FLII: variants seen among roughly 807,000 people sequenced by gnomAD.
FLII encodes protein flightless-1 homolog.
A neutral mutation model predicts 156.2 loss-of-function variants in FLII; 101 were observed. The ratio of observed to expected loss-of-function variants is 0.65; its 90% CI spans 0.55 to 0.76. The LOEUF is 0.76. FLII is among the 30% of genes least tolerant of loss of function. The pLI is 0.00. For synonymous variants in FLII, 767 were observed against 685.8 expected (o/e 1.12, Z -1.85); for missense variants, 1,675 against 1,682.8 (o/e 1.00, Z 0.08).
intron 3 of FLII, among the ~76,000 whole-genome samples, chr17:18,256,108 A>G (rs927471817): frequency 1.3e-5 from 2 of 152,188 alleles, no homozygotes; most frequent in Non-Finnish European, 2.9e-5. Context: ...ACTCAACACC[A>G]GCTCTACCAC....
chr17:18,247,677 G>C lies in FLII; in HGVS notation c.2467C>G (p.Leu823Val). The change falls in exon 20 of 30, where the codon CTC (leucine) becomes GTC (valine). Residue 823 changes from leucine (L) to valine (V), a missense_variant. Transcript: ENST00000327031. ...RPRHATVSRS[L>V]EGTEAQVFKA... ...CGCACCTGCGCCTCGGTGCCCTCGA[G>C]GCTGCGGCTGACCGTGGCATGGCGT... The C allele has an allele frequency of 4.4e-6, 7 of 1,596,496 alleles. No homozygotes were observed. Among genetic ancestry groups the C allele is most frequent in the Non-Finnish European group, 6.0e-6 (7 of 1,176,394 alleles).
chr17:18,248,737 A>G lies in FLII; in HGVS notation c.2019-16T>C. ...TGCAAAGAGCCTGAGAGCAGGATGC[A>G]AAGTCATCAGCGAGGCTCACACCCC... On this transcript the variant is annotated splice_polypyrimidine_tract_variant and intron_variant, in intron 17 of 29. Coordinates refer to ENST00000327031, the MANE Select transcript of FLII (RefSeq NM_002018.4). The G allele has an allele frequency of 2.5e-6, 4 of 1,613,956 alleles. No individual in the cohort carries two copies. The highest frequency in any genetic ancestry group is 3.4e-6 in the Non-Finnish European group (4 of 1,179,850).
intron 21 of FLII, 30 bp downstream of exon 21, chr17:18,247,139 C>A (rs746651972): frequency 3.1e-5 from 41 of 1,305,614 alleles, no homozygotes; most frequent in East Asian, 2.4e-4. Flanking sequence ...CACCCCCCCC[C>A]CCGCGCCCCG....
At chr17:18,257,313 T>G (rs570427419) in intron 1 of FLII, 1 of 391,958 alleles carries the variant, frequency 2.6e-6, no homozygotes, top group Non-Finnish European at 4.6e-6. Flanking sequence ...TCCGGCTCTG[T>G]GGTTAGCTCG....
chr17:18,252,413 C>A, intron 10 of FLII, 59 bp downstream of exon 10: 1 of 1,536,956 alleles, frequency 6.5e-7, no homozygotes. Flanking sequence ...GTCCCCCTTG[C>A]TCCAGGGCAC....
Position 18,248,832 on chromosome 17 carries a change from G to C in FLII, c.1986C>G (p.Ala662=). The change falls in exon 17 of 30, where the codon GCC becomes GCG. Residue 662 remains alanine, a synonymous_variant. Transcript: ENST00000327031. Reference sequence around the variant, plus strand: ...TGGTGGTGCTGCTCAGTGTGGCCTGGGCCCCCCGCCATACGTAGATGTCTA... The same window carrying C: ...TGGTGGTGCTGCTCAGTGTGGCCTGCGCCCCCCGCCATACGTAGATGTCTA... The part of the protein sequence containing the change: ...RGLDIYVWRG[A]QATLSSTTKA... 1 of 1,613,760 alleles carries C rather than the reference G, an allele frequency of 6.2e-7. No homozygotes were observed. Among genetic ancestry groups the C allele is most frequent in the African/African-American group, 1.3e-5 (1 of 75,042 alleles).
intron 14 of FLII, among the ~76,000 whole-genome samples, chr17:18,250,247 A>G (rs1293030413): frequency 1.3e-4 from 20 of 152,200 alleles, no homozygotes; most frequent in Non-Finnish European, 2.6e-4. Flanking sequence ...CACGCATATC[A>G]GGGTACACAA....
Position 18,250,996 on chromosome 17 carries a change from A to G in FLII, c.1618T>C (p.Ser540Pro), listed in dbSNP as rs979440146. 6.2e-7 allele frequency: 1 copy of G among 1,613,464 alleles called. No individual in the cohort carries two copies. Among genetic ancestry groups the G allele is most frequent in the African/African-American group, 1.3e-5 (1 of 74,904 alleles). ...VLKTFLDDSG[S>P]LNWEIYYWIG... Reference sequence around the variant, plus strand: ...CAGTAGTAGATCTCCCAGTTGAGGGAGCCGCTGTCATCCAGAAAGGTCTGG... The same window carrying G: ...CAGTAGTAGATCTCCCAGTTGAGGGGGCCGCTGTCATCCAGAAAGGTCTGG... The change falls in exon 14 of 30, where the codon TCC (serine) becomes CCC (proline). Residue 540 changes from serine to proline, a missense_variant. Ser to Pro is a moderately conservative substitution (Grantham distance 74). Transcript: ENST00000327031.
chr17:18,249,100 C>A, intron 16 of FLII, 27 bp downstream of exon 16: 1 of 1,596,760 alleles, frequency 6.3e-7, no homozygotes, highest in Non-Finnish European at 8.6e-7. Context: ...GGATGAAGCA[C>A]CCCCACCTCA....
Position 18,251,670 on chromosome 17 carries a change from C to T in FLII, c.1383+10G>A, listed in dbSNP as rs760358416. The T allele has an allele frequency of 6.2e-7, 1 of 1,613,908 alleles. No homozygotes were observed. The highest frequency in any genetic ancestry group is 8.5e-7 in the Non-Finnish European group (1 of 1,180,006). Reference sequence around the variant, plus strand: ...GCTCCCTGCCTTGTCCCAACCCTGGCCTGGCTCACCTCCTGCTTTTTGTTC... The same window carrying T: ...GCTCCCTGCCTTGTCCCAACCCTGGTCTGGCTCACCTCCTGCTTTTTGTTC... On this transcript the variant is annotated intron_variant, in intron 12 of 29. Coordinates refer to ENST00000327031, the MANE Select transcript of FLII (RefSeq NM_002018.4).
At chr17:18,245,879 C>T (rs1019556147) in intron 26 of FLII, 29 bp from the exon 27 acceptor site, 2 of 1,613,836 alleles carry the variant, frequency 1.2e-6, no homozygotes, top group East Asian at 2.2e-5. Context: ...CAGCCCAGGG[C>T]CCCTGCCTGC....
At chr17:18,249,006 C>A (rs1474930732) in intron 16 of FLII, 121 bp downstream of exon 16, 5 of 1,373,834 alleles carry the variant, frequency 3.6e-6, no homozygotes, top group Non-Finnish European at 5.2e-6. Context: ...AGGGACCCCC[C>A]GCCAAGCTCG....
Position 18,245,950 on chromosome 17 carries a change from G to A in FLII, c.3380C>T (p.Thr1127Ile). 2 of 1,614,062 alleles carry A rather than the reference G, an allele frequency of 1.2e-6. No individual in the cohort carries two copies. The highest frequency in any genetic ancestry group is 1.1e-5 in the South Asian group (1 of 91,082). Reference sequence around the variant, plus strand: ...CCTCCTGACCTGCTTGCTGTAGGAGGTGTCAAACATGGTGTTCAGGATGTC... The same window carrying A: ...CCTCCTGACCTGCTTGCTGTAGGAGATGTCAAACATGGTGTTCAGGATGTC... ...AEDILNTMFD[T>I]SYSKQVINEG... Residue 1127 changes from threonine (T) to isoleucine (I), a missense_variant, in exon 26 of 30, where the codon ACC (threonine) becomes ATC (isoleucine). By Grantham distance (89) the Thr-to-Ile change is moderately conservative (BLOSUM62 -1). Transcript: ENST00000327031.
At chr17:18,253,243 C>T (rs138274637) in intron 9 of FLII, 58 bp downstream of exon 9, 191 of 1,591,180 alleles carry the variant, frequency 1.2e-4, no homozygotes, top group East Asian at 5.2e-4. Context: ...GCTCTGACTA[C>T]GATCCCGGGG....
rs1329478018 is a variant in FLII, at chr17:18,258,226, GCT to G, written c.63+400_63+401del. On this transcript the variant is annotated intron_variant, in intron 1 of 29. Coordinates refer to ENST00000327031, the MANE Select transcript of FLII (RefSeq NM_002018.4). This position sits in a 1 kb window ranked among gnomAD's most constrained non-coding sequence, Gnocchi z 4.2. ...GCGGGGAGAGGGCAGTGATGAGTCG[GCT>G]CCACACCCGCCCCTGGGCAGCCGGG... 2.0e-5 allele frequency among the ~76,000 whole-genome samples: 3 copies of G among 152,210 alleles called. No homozygotes were observed. The highest frequency in any genetic ancestry group is 4.4e-5 in the Non-Finnish European group (3 of 68,014).
At position 18,247,982 on chromosome 17, in the gene FLII, A is replaced by G; in HGVS notation, c.2242T>C (p.Ser748Pro). 1 of 1,614,076 alleles carries G rather than the reference A, an allele frequency of 6.2e-7. No homozygotes were observed. The highest frequency in any genetic ancestry group is 8.5e-7 in the Non-Finnish European group (1 of 1,179,986). Residue 748 changes from serine to proline, a missense_variant, in exon 19 of 30, where the codon TCC becomes CCC. By Grantham distance (74) the Ser-to-Pro change is moderately conservative (BLOSUM62 -1). This residue lies in a region of FLII where 1,332 missense variants were observed against 1,269.3 expected (regional missense o/e 1.05). Transcript: ENST00000327031. The stretch of plus-strand genomic sequence containing the variant: ...TTGGGACGCTGCTTATGTTCCACGG[A>G]GAGCTTGTAGTTGATCTGTGGCAGC... ...LELPQINYKL[S>P]VEHKQRPKVE...
intron 19 of FLII, 39 bp downstream of exon 19, chr17:18,247,890 G>A (rs1567708491): frequency 1.2e-6 from 2 of 1,613,404 alleles, no homozygotes; most frequent in Middle Eastern, 1.7e-4. Context: ...AGCCAACGGG[G>A]AGGGATCTGG....
chr17:18,258,747 T>TG (rs1158274124), upstream of FLII: 4 of 1,239,828 alleles, frequency 3.2e-6, no homozygotes, highest in Admixed American at 4.3e-5. This position sits in a 1 kb window ranked among gnomAD's most constrained non-coding sequence, Gnocchi z 4.2. Context: ...GCGAGGGCGC[T>TG]GGGGGGAGCC....
chr17:18,245,603 T>C lies in FLII; in HGVS notation c.3561A>G (p.Gln1187=), dbSNP rs1229342400. The C allele has an allele frequency of 1.2e-6, 2 of 1,613,980 alleles. No homozygotes were observed. Among genetic ancestry groups the C allele is most frequent in the African/African-American group, 1.3e-5 (1 of 75,034 alleles). The change falls in exon 28 of 30, where the codon CAA becomes CAG. Residue 1187 remains glutamine (Q), a synonymous_variant. Coordinates refer to ENST00000327031, the MANE Select transcript of FLII (RefSeq NM_002018.4). ...TGATGTCATCATCTGCCAGGTCATC[T>C]TGGCAAAAGTCGGAGCATTTCTCAG... ...AVTEKCSDFC[Q]DDLADDDIML...
Sources: gnomAD v4.1 joint callset for allele counts (sites outside exome capture counted in the v4.1 genomes callset) on GRCh38, gnomAD v4.1.1 for gene constraint, gnomAD v4.1.1 regional missense constraint, Gnocchi (gnomAD v3.1) non-coding constraint, MANE v1.5 for transcripts, NCBI Gene and HGNC (gene_info 2026-07-23, HGNC 2026-07-21) for gene names.